Variants in KCNMB2 observed in about 807,000 individuals in gnomAD.
KCNMB2 encodes potassium calcium-activated channel subfamily M regulatory beta subunit 2.
Under a neutral mutation model 24.5 loss-of-function variants are expected in KCNMB2, and 9 were observed. The observed-to-expected ratio is 0.37, with a 90% CI of 0.22 to 0.64. The LOEUF is 0.64. Ranked by LOEUF, KCNMB2 falls within the 30% of genes least tolerant of loss-of-function variation. The pLI is 0.63. For missense variants in KCNMB2, 226 were observed against 284.3 expected (o/e 0.79, Z 1.47); for synonymous variants, 109 against 104.4 (o/e 1.04, Z -0.27).
intron 1 of KCNMB2, among the ~76,000 whole-genome samples, chr3:178,731,454 G>A (rs1427432723): frequency 6.6e-6 from 1 of 152,252 alleles, no homozygotes; most frequent in Non-Finnish European, 1.5e-5. Context: ...AATGTCCCCC[G>A]TGGGAAGAAA....
chr3:178,768,388 C>T (rs544914519), intron 1 of KCNMB2, among the ~76,000 whole-genome samples: 1 of 151,940 alleles, frequency 6.6e-6, no homozygotes, highest in African/African-American at 2.4e-5. Context: ...GCAGCGCCCT[C>T]AAGTATTTTA....
intron 1 of KCNMB2, among the ~76,000 whole-genome samples, chr3:178,675,765 G>A (rs1042810066): frequency 6.6e-6 from 1 of 152,176 alleles, no homozygotes; most frequent in Non-Finnish European, 1.5e-5. Flanking sequence ...ATTACAAAAT[G>A]AGGATTGGTA....
chr3:178,625,825 A>G (rs918317312), intron 1 of KCNMB2, among the ~76,000 whole-genome samples: 1 of 152,148 alleles, frequency 6.6e-6, no homozygotes, highest in Admixed American at 6.5e-5. Context: ...TTCTTACATA[A>G]ATCAGGGGTC....
intron 1 of KCNMB2, among the ~76,000 whole-genome samples, chr3:178,572,151 C>T (rs894329422): frequency 1.3e-5 from 2 of 152,168 alleles, no homozygotes; most frequent in African/African-American, 4.8e-5. Flanking sequence ...AGCTGCACAG[C>T]ATATACAAAA....
intron 1 of KCNMB2, among the ~76,000 whole-genome samples, chr3:178,559,429 G>T (rs1340208344): frequency 1.3e-5 from 2 of 151,650 alleles, no homozygotes; most frequent in East Asian, 3.9e-4. Context: ...GAATTTTCTT[G>T]TATTTGAACA....
chr3:178,789,538 C>T (rs1713240687), intron 1 of KCNMB2, among the ~76,000 whole-genome samples: 1 of 152,208 alleles, frequency 6.6e-6, no homozygotes, highest in South Asian at 2.1e-4. Context: ...ATTGCCCACA[C>T]TGCCACTTCC....
chr3:178,595,087 A>G (rs1238111670), intron 1 of KCNMB2, among the ~76,000 whole-genome samples: 1 of 144,582 alleles, frequency 6.9e-6, no homozygotes, highest in South Asian at 2.2e-4. Flanking sequence ...CAATACATCA[A>G]TACGATGAGG....
At chr3:178,671,913 G>C (rs1461919321) in intron 1 of KCNMB2, among the ~76,000 whole-genome samples, 4 of 152,190 alleles carry the variant, frequency 2.6e-5, no homozygotes, top group African/African-American at 4.8e-5. Context: ...TATGGAAACA[G>C]GGACACTGCA....
chr3:178,540,945 T>C (rs1016907283), intron 1 of KCNMB2, among the ~76,000 whole-genome samples: 1 of 152,218 alleles, frequency 6.6e-6, no homozygotes, highest in African/African-American at 2.4e-5. Flanking sequence ...GTCTCTTATG[T>C]AGTAGGCACT....
intron 1 of KCNMB2, among the ~76,000 whole-genome samples, chr3:178,754,480 T>C (rs1723959997): frequency 6.6e-6 from 1 of 152,052 alleles, no homozygotes; most frequent in Non-Finnish European, 1.5e-5. Flanking sequence ...TGCTAATCTA[T>C]TTATTATGTG....
chr3:178,631,547 C>A (rs1291505819), intron 1 of KCNMB2, among the ~76,000 whole-genome samples: 1 of 152,238 alleles, frequency 6.6e-6, no homozygotes, highest in African/African-American at 2.4e-5. Flanking sequence ...ATGGTGAACA[C>A]TGGATCGGGG....
chr3:178,749,941 A>G (rs909450643), intron 1 of KCNMB2, among the ~76,000 whole-genome samples: 1 of 152,222 alleles, frequency 6.6e-6, no homozygotes, highest in African/African-American at 2.4e-5. Context: ...CAGAGTAACT[A>G]TGTAAGATTG....
chr3:178,835,858 C>A (rs1715209610), intron 4 of KCNMB2, among the ~76,000 whole-genome samples: 1 of 152,138 alleles, frequency 6.6e-6, no homozygotes, highest in South Asian at 2.1e-4. Flanking sequence ...CAATTCATTT[C>A]ATCACCCATC....
intron 1 of KCNMB2, chr3:178,757,090 T>C (rs1724083102): frequency 6.6e-6 from 1 of 151,342 alleles, no homozygotes. Flanking sequence ...CTCTCTTACA[T>C]TTCCGCCCCA....
chr3:178,786,540 A>G (rs1713105527), intron 1 of KCNMB2, among the ~76,000 whole-genome samples: 1 of 152,260 alleles, frequency 6.6e-6, no homozygotes, highest in South Asian at 2.1e-4. Context: ...AATCATTAAC[A>G]AGGATCAGTG....
At chr3:178,778,464 A>ACGTGCGCGCGCGCGCGCG (rs1560017822) in intron 1 of KCNMB2, among the ~76,000 whole-genome samples, 3 of 61,234 alleles carry the variant, frequency 4.9e-5, no homozygotes, top group Admixed American at 1.5e-4. Context: ...AGACACACAC[A>ACGTGCGCGCGCGCGCGCG]CACACACACA....
intron 3 of KCNMB2, 79 bp downstream of exon 3, chr3:178,825,837 C>A: frequency 1.9e-6 from 2 of 1,052,748 alleles, no homozygotes; most frequent in South Asian, 1.7e-5. Context: ...ACCCTAAGGT[C>A]ATCTTCCTCA....
chr3:178,700,131 C>T (rs1333142986), intron 1 of KCNMB2, among the ~76,000 whole-genome samples: 1 of 152,188 alleles, frequency 6.6e-6, no homozygotes, highest in Non-Finnish European at 1.5e-5. Context: ...ACAGAAGACA[C>T]TCACTTTGCC....
intron 2 of KCNMB2, among the ~76,000 whole-genome samples, chr3:178,813,129 T>C (rs1225099026): frequency 1.3e-5 from 2 of 152,220 alleles, no homozygotes; most frequent in African/African-American, 4.8e-5. Context: ...TTGTCTTCCC[T>C]AGTATCTCCT....
Sources: allele counts gnomAD v4.1 joint callset (sites outside exome capture counted in the v4.1 genomes callset), GRCh38; gene constraint gnomAD v4.1.1; transcripts MANE v1.5; gene names NCBI Gene and HGNC (gene_info 2026-07-23, HGNC 2026-07-21).